The following TIMP3 variants were observed in gnomAD, a reference collection of about 807,000 sequenced individuals.
TIMP3 encodes the protein TIMP metallopeptidase inhibitor 3.
A neutral mutation model predicts 30.0 loss-of-function variants in TIMP3; 11 were observed. The ratio of observed to expected loss-of-function variants is 0.37; its 90% CI spans 0.23 to 0.61. The LOEUF (loss-of-function observed/expected upper bound fraction) is 0.61. TIMP3 is among the 20% of genes least tolerant of loss of function. TIMP3 has a pLI of 0.70. For missense variants in TIMP3, 181 were observed against 276.8 expected (o/e 0.65, Z 2.45); for synonymous variants, 112 against 111.3 (o/e 1.01, Z -0.04).
chr22:32,860,891 C>G lies in TIMP3; in HGVS notation c.*1514C>G, dbSNP rs2048515738. 6.7e-6 allele frequency: 1 copy of G among 149,520 alleles called. No individual in the cohort carries two copies. Among genetic ancestry groups the G allele is most frequent in the Non-Finnish European group, 1.5e-5 (1 of 67,694 alleles). The allele number at this position is 149,520 out of a possible 1,614,324, so 9.3% of individuals were successfully genotyped here. ...CACTGGGGAAAGCCTGAGTTTGCAA[C>G]CAGTTGTAGGGTTTCTGTTGTGTTT... is the stretch of plus-strand genomic sequence containing the variant. On this transcript the variant is annotated 3_prime_UTR_variant, in exon 5 of 5. Coordinates refer to ENST00000266085, the MANE Select transcript of TIMP3 (RefSeq NM_000362.5).
chr22:32,839,935 A>T (rs1206241612), intron 1 of TIMP3, among the ~76,000 whole-genome samples: 1 of 151,950 alleles, frequency 6.6e-6, no homozygotes, highest in Non-Finnish European at 1.5e-5. Flanking sequence ...CAGACCGCTC[A>T]AGCAGAAACC....
At chr22:32,829,481 G>A (rs373357836) in intron 1 of TIMP3, among the ~76,000 whole-genome samples, 1 of 152,284 alleles carries the variant, frequency 6.6e-6, no homozygotes, top group South Asian at 2.1e-4. Flanking sequence ...CTCACTTCTT[G>A]GCCTGGGAAT....
chr22:32,817,101 C>G (rs142539790), intron 1 of TIMP3, among the ~76,000 whole-genome samples: 2 of 151,872 alleles, frequency 1.3e-5, no homozygotes, highest in Admixed American at 1.3e-4. Flanking sequence ...GCCTGTAGTC[C>G]CAGTTACTCT....
chr22:32,815,099 T>A lies in TIMP3; in HGVS notation c.121+12977T>A, dbSNP rs147737918. Among the ~76,000 whole-genome samples the A allele has an allele frequency of 5.7e-3, 866 of 152,358 alleles. 11 individuals are homozygous for A. The highest frequency in any genetic ancestry group is 0.018 in the African/African-American group (749 of 41,582). ...AGCTACCTGTGGTTAGTGGCCGCCA[T>A]GTTAATACTACAGCACAGGTCAAGA... On this transcript the variant is annotated intron_variant, in intron 1 of 4. Coordinates refer to ENST00000266085, the MANE Select transcript of TIMP3 (RefSeq NM_000362.5).
In TIMP3 at chr22:32,859,215, T is replaced by C. The variant is rs377213871; in HGVS notation, c.474T>C (p.Thr158=). 1.9e-6 allele frequency: 3 copies of C among 1,614,068 alleles called. No homozygotes were observed. The highest frequency in any genetic ancestry group is 1.7e-5 in the Admixed American group (1 of 60,006). ...GCTACTACCTGCCTTGCTTTGTGAC[T>C]TCCAAGAACGAGTGTCTCTGGACCG... is the stretch of plus-strand genomic sequence containing the variant. The part of the protein sequence containing the change: ...KSCYYLPCFV[T]SKNECLWTDM... The change falls in exon 5 of 5, where the codon ACT becomes ACC. Residue 158 remains threonine (T), a synonymous_variant. Transcript: ENST00000266085.
chr22:32,811,253 A>G (rs2046908184), intron 1 of TIMP3, among the ~76,000 whole-genome samples: 2 of 152,204 alleles, frequency 1.3e-5, no homozygotes, highest in Non-Finnish European at 2.9e-5. Context: ...GTGGGGAGCC[A>G]AAGACTCAGG....
chr22:32,816,651 G>C (rs1042403702), intron 1 of TIMP3, among the ~76,000 whole-genome samples: 1 of 152,150 alleles, frequency 6.6e-6, no homozygotes, highest in Non-Finnish European at 1.5e-5. Flanking sequence ...ACTCCCTTTT[G>C]CCCTATCATC....
rs190511146 is a variant in TIMP3 at position 32,853,280 on chromosome 22, A to G, written c.204+3746A>G. Among the ~76,000 whole-genome samples, 41 of 152,280 alleles carry G rather than the reference A, an allele frequency of 2.7e-4. 1 individual carries two copies. In the East Asian group the frequency reaches 7.7e-3, roughly 29 times the overall value. On this transcript the variant is annotated intron_variant, in intron 2 of 4. Transcript: ENST00000266085. Reference sequence around the variant, plus strand: ...ATTCTCTGCCTGTCCTGCTAGACAAATTGCTGTATAGAGAAAGATCATGGC... The same window carrying G: ...ATTCTCTGCCTGTCCTGCTAGACAAGTTGCTGTATAGAGAAAGATCATGGC...
At chr22:32,807,879 G>A (rs1010124709) in intron 1 of TIMP3, among the ~76,000 whole-genome samples, 79 of 152,216 alleles carry the variant, frequency 5.2e-4, no homozygotes, top group African/African-American at 1.8e-3. Context: ...TGCAACATGA[G>A]GGGATGGAGG....
intron 1 of TIMP3, among the ~76,000 whole-genome samples, chr22:32,819,450 C>T (rs567243418): frequency 7.2e-5 from 11 of 152,198 alleles, no homozygotes; most frequent in African/African-American, 1.2e-4. Flanking sequence ...CACCAGCCAA[C>T]GATGGGTATG....
chr22:32,816,364 C>T (rs1302333874), intron 1 of TIMP3, among the ~76,000 whole-genome samples: 1 of 152,116 alleles, frequency 6.6e-6, no homozygotes, highest in Non-Finnish European at 1.5e-5. Flanking sequence ...CAGGAATAAA[C>T]AAATACTGAA....
chr22:32,852,791 A>G (rs764194999), intron 2 of TIMP3, among the ~76,000 whole-genome samples: 6 of 152,168 alleles, frequency 3.9e-5, no homozygotes, highest in Admixed American at 1.3e-4. Flanking sequence ...GCTTATTGCA[A>G]TCCCAAACTT....
intron 1 of TIMP3, among the ~76,000 whole-genome samples, chr22:32,826,423 G>A (rs1338369111): frequency 3.3e-5 from 5 of 151,808 alleles, no homozygotes; most frequent in Admixed American, 1.3e-4. Context: ...AGCAAACTCC[G>A]TCTCAAAAAT....
chr22:32,824,563 AT>A (rs965624258), intron 1 of TIMP3, among the ~76,000 whole-genome samples: 7 of 152,138 alleles, frequency 4.6e-5, no homozygotes, highest in South Asian at 2.1e-4. Flanking sequence ...ATATGTATAT[AT>A]TTTTTGCATA....
At chr22:32,812,721 G>A (rs73885108) in intron 1 of TIMP3, among the ~76,000 whole-genome samples, 3,205 of 152,298 alleles carry the variant, frequency 0.021, 117 homozygotes, top group African/African-American at 0.073. Context: ...ATGAACACAT[G>A]TGTGATCTGA....
In TIMP3 at chr22:32,807,372, A is replaced by G. The variant is rs1375889482; in HGVS notation, c.121+5250A>G. Among the ~76,000 whole-genome samples the G allele has an allele frequency of 1.2e-4, 13 of 111,696 alleles. No homozygotes were observed. In the Admixed American group the frequency reaches 1.4e-3, roughly 12 times the overall value. 73.3% of individuals were successfully genotyped at this position (111,696 alleles called of 152,430 possible). On this transcript the variant is annotated intron_variant, in intron 1 of 4. Coordinates refer to ENST00000266085, the MANE Select transcript of TIMP3 (RefSeq NM_000362.5). ...AAATATATAATATATAATATATATT[A>G]TATATAATATATATTATATATAATA...
At chr22:32,857,870 T>G in intron 3 of TIMP3, 147 bp from the exon 4 acceptor site, 3 of 1,197,418 alleles carry the variant, frequency 2.5e-6, no homozygotes, top group Non-Finnish European at 3.7e-6. Flanking sequence ...TTTTAAAAGG[T>G]GTTGGGTAGG....
At chr22:32,830,955 T>G (rs887267137) in intron 1 of TIMP3, among the ~76,000 whole-genome samples, 1 of 152,048 alleles carries the variant, frequency 6.6e-6, no homozygotes, top group African/African-American at 2.4e-5. Flanking sequence ...AAATGTGTGT[T>G]TTTTTTTCCC....
Sources: allele counts gnomAD v4.1 joint callset (sites outside exome capture counted in the v4.1 genomes callset), GRCh38; gene constraint gnomAD v4.1.1; transcripts MANE v1.5; gene names NCBI Gene and HGNC (gene_info 2026-07-23, HGNC 2026-07-21).